Variants in CYP7B1 observed in about 807,000 individuals in gnomAD.
The protein encoded by CYP7B1 is cytochrome P450 family 7 subfamily B member 1, also known as cytochrome P450 7B1.
In CYP7B1, 29 loss-of-function variants were observed where a neutral mutation model predicts 42.7. The ratio of observed to expected loss-of-function variants is 0.68; its 90% CI spans 0.51 to 0.93. The LOEUF (loss-of-function observed/expected upper bound fraction) is 0.93. CYP7B1 is among the 40% of genes least tolerant of loss of function. The pLI is 0.00. For synonymous variants in CYP7B1, 235 were observed against 218.2 expected (o/e 1.08, Z -0.68); for missense variants, 655 against 600.5 (o/e 1.09, Z -0.95).
At chr8:64,705,230 G>GC (rs1290002505) in intron 1 of CYP7B1, among the ~76,000 whole-genome samples, 1 of 96,810 alleles carries the variant, frequency 1.0e-5, no homozygotes, top group East Asian at 2.0e-4. Flanking sequence ...TCAAAAAGGT[G>GC]GGGGGGGGAA....
chr8:64,601,681 T>G (rs1433387893), intron 5 of CYP7B1, among the ~76,000 whole-genome samples: 2 of 152,222 alleles, frequency 1.3e-5, no homozygotes, highest in Admixed American at 1.3e-4. Context: ...TATTTATTAT[T>G]GTAAGATATT....
At chr8:64,622,370 A>T (rs1350498820) in intron 2 of CYP7B1, among the ~76,000 whole-genome samples, 2 of 152,232 alleles carry the variant, frequency 1.3e-5, no homozygotes, top group Non-Finnish European at 2.9e-5. Flanking sequence ...TTGAGCTAAG[A>T]AAAAGGCATG....
chr8:64,780,270 C>A lies in CYP7B1; in HGVS notation c.122+18196G>T, dbSNP rs140099032. Among the ~76,000 whole-genome samples, 72 of 152,184 alleles carry A rather than the reference C, an allele frequency of 4.7e-4. 1 individual carries two copies. In the East Asian group the frequency reaches 0.013, roughly 28 times the overall value. On this transcript the variant is annotated intron_variant, in intron 1 of 5. Coordinates refer to ENST00000310193, the MANE Select transcript of CYP7B1 (RefSeq NM_004820.5). ...CAATTACTGTACCAAACTATTTATT[C>A]ATTCATTCACCCTTCATTCTTCTAA...
intron 1 of CYP7B1, among the ~76,000 whole-genome samples, chr8:64,734,029 A>G (rs1807451766): frequency 6.6e-6 from 1 of 152,152 alleles, no homozygotes; most frequent in South Asian, 2.1e-4. Flanking sequence ...CCTCAGGGAA[A>G]CTAAGGCTAG....
In CYP7B1 at chr8:64,616,053, T is replaced by G. The variant is rs1805440326; in HGVS notation, c.488A>C (p.Gln163Pro). The change falls in exon 3 of 6, where the codon CAA (glutamine) becomes CCA (proline). Residue 163 changes from glutamine (Q) to proline (P), a missense_variant. By Grantham distance (76) the Gln-to-Pro change is moderately conservative (BLOSUM62 -1). Transcript: ENST00000310193. Reference sequence around the variant, plus strand: ...TTTTAACAGCTGGGGTTCAAAAACTTGTTTTAGATTCTGCATCATGCTTTC... The same window carrying G: ...TTTTAACAGCTGGGGTTCAAAAACTGGTTTTAGATTCTGCATCATGCTTTC... Reference protein sequence around the residue: ...LLESMMQNLKQVFEPQLLKTT... With the variant: ...LLESMMQNLKPVFEPQLLKTT... The G allele has an allele frequency of 6.2e-7, 1 of 1,613,612 alleles. No homozygotes were observed.
intron 1 of CYP7B1, among the ~76,000 whole-genome samples, chr8:64,684,773 G>A (rs1806594360): frequency 6.6e-6 from 1 of 152,104 alleles, no homozygotes; most frequent in Non-Finnish European, 1.5e-5. Context: ...GATATGAAAT[G>A]AAATTACTCC....
rs149206268 is a variant in CYP7B1 at position 64,684,542 on chromosome 8, T to C, written c.123-60003A>G. Among the ~76,000 whole-genome samples, 48 of 152,362 alleles carry C rather than the reference T, an allele frequency of 3.2e-4. 1 individual carries two copies. The East Asian group carries it at 8.7e-3, about 28-fold the overall frequency. On this transcript the variant is annotated intron_variant, in intron 1 of 5. Coordinates refer to ENST00000310193, the MANE Select transcript of CYP7B1 (RefSeq NM_004820.5). ...CGGAATAATGCTAAAGTATAATTTA[T>C]TTATATAAGTCTATATTAAATAGAT...
Position 64,596,724 on chromosome 8 carries a change from A to G in CYP7B1, c.1439T>C (p.Ile480Thr), listed in dbSNP as rs756768505. The G allele has an allele frequency of 9.9e-6, 16 of 1,613,768 alleles. No individual in the cohort carries two copies. Among genetic ancestry groups the G allele is most frequent in the African/African-American group, 8.0e-5 (6 of 74,930 alleles). The change falls in exon 6 of 6, where the codon ATA (isoleucine) becomes ACA (threonine). Residue 480 changes from isoleucine to threonine, a missense_variant. Coordinates refer to ENST00000310193, the MANE Select transcript of CYP7B1 (RefSeq NM_004820.5). ...CAACAAGCGGCTGTAGTTTAGTCCT[A>G]TGGGCTTATCATCAATTATTTCTAA... ...FDLEIIDDKPIGLNYSRLLFG... is the reference protein window; with the variant it reads ...FDLEIIDDKPTGLNYSRLLFG...
intron 1 of CYP7B1, among the ~76,000 whole-genome samples, chr8:64,673,980 T>C (rs1023788183): frequency 1.3e-5 from 2 of 152,114 alleles, no homozygotes; most frequent in Admixed American, 6.6e-5. Flanking sequence ...TATCTGGTCT[T>C]GAAGGATGCC....
rs116487565 is a variant in CYP7B1, at chr8:64,591,279, T to C, written c.*5363A>G. ...AAGAGTTTTATGTGATCATTCATTA[T>C]AATTTAAAATAGTGCTACAGAGAAT... On this transcript the variant is annotated 3_prime_UTR_variant, in exon 6 of 6. Transcript: ENST00000310193. Among the ~76,000 whole-genome samples, 2,265 of 152,314 alleles carry C rather than the reference T, an allele frequency of 0.015. 51 individuals carry two copies. Among genetic ancestry groups the C allele is most frequent in the African/African-American group, 0.048 (1,993 of 41,574 alleles).
chr8:64,587,662 G>A (rs530352772), downstream of CYP7B1: 1 of 152,342 alleles, frequency 6.6e-6, no homozygotes, highest in Non-Finnish European at 1.5e-5. Context: ...TAAATTACTC[G>A]TCTTAACAAA....
intron 4 of CYP7B1, among the ~76,000 whole-genome samples, chr8:64,609,155 TTTAA>T (rs1371140936): frequency 6.6e-6 from 1 of 152,332 alleles, no homozygotes; most frequent in Non-Finnish European, 1.5e-5. Flanking sequence ...CTTTTATTTA[TTTAA>T]TTGACAAATA....
intron 1 of CYP7B1, among the ~76,000 whole-genome samples, chr8:64,673,617 G>T (rs781346398): frequency 2.6e-5 from 4 of 152,052 alleles, no homozygotes; most frequent in African/African-American, 4.8e-5. Context: ...CCAGTATTTT[G>T]AACAGAATTA....
intron 1 of CYP7B1, among the ~76,000 whole-genome samples, chr8:64,686,078 A>G (rs1806634174): frequency 8.2e-6 from 1 of 121,704 alleles, no homozygotes; most frequent in Non-Finnish European, 1.7e-5. Context: ...CCACCCGGCC[A>G]GCCGCCCCGT....
chr8:64,696,074 C>T (rs1806824283), intron 1 of CYP7B1, among the ~76,000 whole-genome samples: 1 of 151,898 alleles, frequency 6.6e-6, no homozygotes, highest in African/African-American at 2.4e-5. Context: ...CAAAGAAGAC[C>T]CAACAACAGA....
intron 1 of CYP7B1, among the ~76,000 whole-genome samples, chr8:64,658,889 A>C (rs1806160753): frequency 6.6e-6 from 1 of 152,206 alleles, no homozygotes; most frequent in Admixed American, 6.5e-5. Context: ...CTAATTTTAC[A>C]CACAGGTTTA....
Position 64,677,348 on chromosome 8 carries a change from T to C in CYP7B1, c.123-52809A>G, listed in dbSNP as rs148176946. On this transcript the variant is annotated intron_variant, in intron 1 of 5. Transcript: ENST00000310193. ...GCTGGAATAGAAGTTGTCATAGAGG[T>C]ACTAGTAACATTTAAATAACAGCTA... Among the ~76,000 whole-genome samples the C allele has an allele frequency of 2.8e-5, 4 of 143,308 alleles. No individual in the cohort carries two copies. The Admixed American group carries it at 3.0e-4, about 11-fold the overall frequency. 94.0% of individuals were successfully genotyped at this position (143,308 alleles called of 152,430 possible). A position where few individuals can be genotyped will look rare whatever the true frequency, so the allele number is the denominator to read the frequency against.
chr8:64,622,402 G>T (rs1010776190), intron 2 of CYP7B1, among the ~76,000 whole-genome samples: 1 of 152,190 alleles, frequency 6.6e-6, no homozygotes, highest in Non-Finnish European at 1.5e-5. Context: ...TTTAGATAAA[G>T]AACTAGAAGG....
intron 1 of CYP7B1, among the ~76,000 whole-genome samples, chr8:64,787,749 T>C (rs555724234): frequency 6.6e-6 from 1 of 152,326 alleles, no homozygotes; most frequent in South Asian, 2.1e-4. Flanking sequence ...ATCTACTGTA[T>C]TAGTCCATTT....
Sources: gnomAD v4.1 joint callset for allele counts (sites outside exome capture counted in the v4.1 genomes callset) on GRCh38, gnomAD v4.1.1 for gene constraint, MANE v1.5 for transcripts, NCBI Gene and HGNC (gene_info 2026-07-23, HGNC 2026-07-21) for gene names.